The following SUPV3L1 variants were observed in gnomAD, a reference collection of about 807,000 sequenced individuals.
SUPV3L1 encodes Suv3 like RNA helicase.
SUPV3L1 carries 35 observed loss-of-function variants against 70.0 expected under a neutral mutation model. That is an observed-to-expected ratio of 0.50 (90% CI 0.38 to 0.66). The LOEUF (loss-of-function observed/expected upper bound fraction) is 0.66. SUPV3L1 is among the 30% of genes least tolerant of loss of function. The probability of loss-of-function intolerance (pLI) is 0.00; values close to 1 mark genes in which losing one functional copy is unlikely to be tolerated. For missense variants in SUPV3L1, 777 were observed against 961.5 expected, an observed-to-expected ratio of 0.81 and a Z score of 2.54; for synonymous variants, 364 against 341.9, an observed-to-expected ratio of 1.06 and a Z score of -0.71.
At chr10:69,185,504 C>CTT (rs35590294) in intron 1 of SUPV3L1, among the ~76,000 whole-genome samples, 167 of 139,484 alleles carry the variant, frequency 1.2e-3, no homozygotes, top group East Asian at 3.3e-3. Flanking sequence ...TCATTTTTCT[C>CTT]TTTTTTTTTT....
At chr10:69,202,387 C>A in intron 11 of SUPV3L1, 52 bp from the exon 12 acceptor site, 1 of 1,546,644 alleles carries the variant, frequency 6.5e-7, no homozygotes, top group East Asian at 2.3e-5. Flanking sequence ...AAAATTTGTC[C>A]TTTTTGAAAA....
chr10:69,193,779 A>C (rs917563859), intron 6 of SUPV3L1, among the ~76,000 whole-genome samples: 1 of 152,150 alleles, frequency 6.6e-6, no homozygotes, highest in Non-Finnish European at 1.5e-5. Flanking sequence ...CCTAAGTGTC[A>C]TTGTATTTTT....
intron 9 of SUPV3L1, 87 bp from the exon 10 acceptor site, chr10:69,199,017 C>A: frequency 2.1e-6 from 2 of 947,758 alleles, no homozygotes; most frequent in East Asian, 2.5e-5. Context: ...ATGGGAAGAA[C>A]AGGAGGTGAG....
At chr10:69,186,693 GGAT>G in intron 3 of SUPV3L1, 143 bp downstream of exon 3, 1 of 676,924 alleles carries the variant, frequency 1.5e-6, no homozygotes, top group South Asian at 1.9e-5. Flanking sequence ...TGCTTTCACA[GGAT>G]GACTTCTAGG....
chr10:69,180,424 C>T lies in SUPV3L1; in HGVS notation c.133C>T (p.Leu45Phe), dbSNP rs750689263. Residue 45 changes from leucine (L) to phenylalanine (F), a missense_variant, in exon 1 of 15, where the codon CTT (leucine) becomes TTT (phenylalanine). This residue lies in a region of SUPV3L1 where 158 missense variants were observed against 138.3 expected (regional missense o/e 1.14). Transcript: ENST00000359655. ...FPGVLGQVSV[L>F]ATASSSASGG... ...CGGGGTTCTGGGGCAAGTTTCTGTC[C>T]TTGCCACCGCCTCCTCCTCTGCCTC... 1.2e-6 allele frequency: 2 copies of T among 1,614,132 alleles called. No individual in the cohort carries two copies. The highest frequency in any genetic ancestry group is 1.3e-5 in the African/African-American group (1 of 74,948).
chr10:69,197,146 T>A (rs1284882679), intron 8 of SUPV3L1, 63 bp downstream of exon 8: 1 of 1,416,960 alleles, frequency 7.1e-7, no homozygotes, highest in Non-Finnish European at 1.0e-6. Flanking sequence ...ACCTAGGCAG[T>A]GGCTTCAGAG....
Position 69,185,940 on chromosome 10 carries a change from A to G in SUPV3L1, c.272-47A>G, listed in dbSNP as rs746181490. ...CAAGTTTCTTTTGCTTTTTTTCAGC[A>G]TTTATCTAAGATAAGGAAACGTTAA... On this transcript the variant is annotated intron_variant, in intron 1 of 14. Coordinates refer to ENST00000359655, the MANE Select transcript of SUPV3L1 (RefSeq NM_003171.5). The G allele has an allele frequency of 2.8e-6, 4 of 1,453,922 alleles. No individual in the cohort carries two copies. In the South Asian group the frequency reaches 3.5e-5, roughly 13 times the overall value. The allele number at this position is 1,453,922 out of a possible 1,614,324, so 90.1% of individuals were successfully genotyped here. A position where few individuals can be genotyped will look rare whatever the true frequency, so the allele number is the denominator to read the frequency against.
chr10:69,187,618 T>C (rs1243708607), intron 3 of SUPV3L1, 24 bp from the exon 4 acceptor site: 1 of 1,499,750 alleles, frequency 6.7e-7, no homozygotes, highest in East Asian at 2.3e-5. Flanking sequence ...ATTGCACATG[T>C]TAATACAGTG....
chr10:69,203,243 T>C (rs1444071343), intron 13 of SUPV3L1, among the ~76,000 whole-genome samples, 200 bp downstream of exon 13: 2 of 152,208 alleles, frequency 1.3e-5, no homozygotes, highest in Admixed American at 1.3e-4. Context: ...GGTTACTGTC[T>C]TGTATGAGCA....
intron 7 of SUPV3L1, 195 bp downstream of exon 7, chr10:69,195,460 A>G (rs1327785428): frequency 2.5e-6 from 1 of 403,502 alleles, no homozygotes; most frequent in Admixed American, 4.2e-5. Flanking sequence ...CCTGTGCTAA[A>G]ACTAGCATAA....
chr10:69,186,123 C>A, intron 2 of SUPV3L1, 59 bp downstream of exon 2: 2 of 1,455,392 alleles, frequency 1.4e-6, no homozygotes, highest in South Asian at 1.2e-5. Context: ...ACAGCTTGGT[C>A]AGGACTGTAC....
chr10:69,187,481 G>C (rs1842264346), intron 3 of SUPV3L1, 161 bp from the exon 4 acceptor site: 2 of 475,930 alleles, frequency 4.2e-6, no homozygotes, highest in East Asian at 8.0e-5. Context: ...GCTTTCCAAA[G>C]TGGTGGGATT....
intron 7 of SUPV3L1, among the ~76,000 whole-genome samples, chr10:69,196,538 CAA>C (rs1476905226): frequency 3.3e-5 from 5 of 150,372 alleles, no homozygotes; most frequent in African/African-American, 4.9e-5. Context: ...TTTTTTTAAA[CAA>C]AGAGTATACA....
At chr10:69,192,359 G>A (rs10823313) in intron 6 of SUPV3L1, 115,495 of 152,112 alleles carry the variant, frequency 0.76, 45,899 homozygotes, top group Non-Finnish European at 0.89. Flanking sequence ...TGTTCTAACT[G>A]GTAACAGATA....
At chr10:69,205,337 T>C (rs983654790) in intron 13 of SUPV3L1, among the ~76,000 whole-genome samples, 3 of 152,210 alleles carry the variant, frequency 2.0e-5, no homozygotes, top group African/African-American at 4.8e-5. Context: ...TAGAAGCTCT[T>C]TACTAAGGTG....
At chr10:69,184,125 C>T (rs184518969) in intron 1 of SUPV3L1, among the ~76,000 whole-genome samples, 15 of 152,140 alleles carry the variant, frequency 9.9e-5, no homozygotes, top group African/African-American at 3.6e-4. Context: ...TAAATGTGAT[C>T]TGTCTTTAGT....
At position 69,200,320 on chromosome 10, in the gene SUPV3L1, A is replaced by T. The variant is rs1329384292; in HGVS notation, c.1339A>T (p.Ser447Cys). The stretch of plus-strand genomic sequence containing the variant: ...TATTTTTTACTCCCTTATAAAGCCC[A>T]GTATCAATGAAAAGGGAGAGAGAGA... Reference protein sequence around the residue: ...RIIFYSLIKPSINEKGERELE... With the variant: ...RIIFYSLIKPCINEKGERELE... The change falls in exon 11 of 15, where the codon AGT (serine) becomes TGT (cysteine). Residue 447 changes from serine to cysteine, a missense_variant. Transcript: ENST00000359655. The T allele has an allele frequency of 6.8e-6, 11 of 1,614,048 alleles. No homozygotes were observed. Among genetic ancestry groups the T allele is most frequent in the African/African-American group, 1.3e-5 (1 of 74,946 alleles).
intron 11 of SUPV3L1, 32 bp from the exon 12 acceptor site, chr10:69,202,407 C>CA: frequency 6.4e-7 from 1 of 1,558,160 alleles, no homozygotes; most frequent in Non-Finnish European, 8.7e-7. Flanking sequence ...AAAAAAAAAT[C>CA]AGCTTATGAT....
chr10:69,184,652 C>CAG (rs3222193), intron 1 of SUPV3L1, among the ~76,000 whole-genome samples: 6 of 149,660 alleles, frequency 4.0e-5, no homozygotes, highest in Non-Finnish European at 8.9e-5. Flanking sequence ...CACACACACA[C>CAG]TGTGTGTGTA....
Sources: allele counts gnomAD v4.1 joint callset (sites outside exome capture counted in the v4.1 genomes callset), GRCh38; gene constraint gnomAD v4.1.1; regional missense constraint gnomAD v4.1.1; transcripts MANE v1.5; gene names NCBI Gene and HGNC (gene_info 2026-07-23, HGNC 2026-07-21).